The following PCDH11X variants were observed in gnomAD, a reference collection of about 807,000 sequenced individuals.
PCDH11X encodes protocadherin-11 X-linked.
In PCDH11X, 18 loss-of-function variants were observed where a neutral mutation model predicts 53.3. The ratio of observed to expected loss-of-function variants is 0.34; its 90% confidence interval spans 0.23 to 0.50. PCDH11X has a LOEUF of 0.50. Among genes scored for constraint, PCDH11X ranks in the 20% least tolerant of loss-of-function variants. The pLI is 0.98. For synonymous variants in PCDH11X, 279 were observed against 393.3 expected (o/e 0.71, Z 3.44); for missense variants, 570 against 1,032.4 (o/e 0.55, Z 6.14).
At chrX:91,900,460 A>G (rs1385349049) in intron 6 of PCDH11X, among the ~76,000 whole-genome samples, 2 of 108,780 alleles carry the variant, frequency 1.8e-5, no homozygotes, top group African/African-American at 6.7e-5. Flanking sequence ...AATCCTGGCT[A>G]TGAGAGGAAG....
At chrX:91,863,973 A>G (rs1395215399) in intron 5 of PCDH11X, among the ~76,000 whole-genome samples, 1 of 111,873 alleles carries the variant, frequency 8.9e-6, no homozygotes, top group Non-Finnish European at 1.9e-5. Context: ...TGTAGTTATT[A>G]CTTTTGATTG....
chrX:92,453,930 C>T (rs906491817), intron 9 of PCDH11X, among the ~76,000 whole-genome samples: 13 of 106,462 alleles, frequency 1.2e-4, no homozygotes, highest in African/African-American at 3.7e-4. Flanking sequence ...GTAATAGTTC[C>T]GGTGGGCTGA....
At chrX:92,111,005 A>G (rs2064491854) in intron 6 of PCDH11X, among the ~76,000 whole-genome samples, 1 of 108,387 alleles carries the variant, frequency 9.2e-6, no homozygotes, top group Non-Finnish European at 1.9e-5. Flanking sequence ...CATCTGGGGT[A>G]TTCTAGGCCT....
At chrX:92,224,070 A>T (rs183703741) in intron 7 of PCDH11X, among the ~76,000 whole-genome samples, 77 of 111,698 alleles carry the variant, frequency 6.9e-4, no homozygotes, top group Admixed American at 6.6e-3. Context: ...TGTCTTAAGT[A>T]CTCTGATACA....
intron 7 of PCDH11X, among the ~76,000 whole-genome samples, chrX:92,225,657 G>A (rs1356393122): frequency 9.0e-6 from 1 of 110,583 alleles, no homozygotes; most frequent in African/African-American, 3.3e-5. Flanking sequence ...GTGAAGATGG[G>A]GTTAAGAACA....
intron 10 of PCDH11X, among the ~76,000 whole-genome samples, chrX:92,609,549 T>G (rs1312375639): frequency 1.8e-5 from 2 of 111,985 alleles, no homozygotes; most frequent in Admixed American, 9.5e-5. Context: ...ATGTCTTCCT[T>G]GATAGTCTAT....
chrX:92,495,888 C>A lies in PCDH11X; in HGVS notation c.3367+27566C>A, dbSNP rs750229913. On this transcript the variant is annotated intron_variant, in intron 10 of 10. Coordinates refer to ENST00000682573, the MANE Select transcript of PCDH11X (RefSeq NM_032968.5). Reference sequence around the variant, plus strand: ...CCCACATGATTCAAATTATCTCCCACCGAGTCCCTCCCACAACACATGGAA... The same window carrying A: ...CCCACATGATTCAAATTATCTCCCAACGAGTCCCTCCCACAACACATGGAA... Among the ~76,000 whole-genome samples the A allele has an allele frequency of 3.8e-5, 4 of 105,654 alleles. 1 individual carries two copies. The highest frequency in any genetic ancestry group is 7.5e-5 in the African/African-American group (2 of 26,726). The allele number at this position is 105,654 out of a possible 115,157, so 91.7% of individuals were successfully genotyped here. A position where few individuals can be genotyped will look rare whatever the true frequency, so the allele number is the denominator to read the frequency against.
chrX:92,046,726 C>G (rs1179974895), intron 6 of PCDH11X, among the ~76,000 whole-genome samples: 1 of 110,654 alleles, frequency 9.0e-6, no homozygotes, highest in Non-Finnish European at 1.9e-5. Flanking sequence ...AATGCAAATA[C>G]TTTATTAAAC....
At chrX:92,215,701 T>C (rs1243185879) in intron 7 of PCDH11X, among the ~76,000 whole-genome samples, 2 of 103,094 alleles carry the variant, frequency 1.9e-5, no homozygotes, top group Non-Finnish European at 4.0e-5. Context: ...AAGAGAGCAG[T>C]GGTTCTCCCA....
At chrX:91,894,848 C>T in intron 6 of PCDH11X, among the ~76,000 whole-genome samples, 2 of 110,963 alleles carry the variant, frequency 1.8e-5, no homozygotes, top group Non-Finnish European at 3.8e-5. Flanking sequence ...GTTAGAACCC[C>T]AGATTGGCTA....
At chrX:91,866,046 G>T (rs1938970962) in intron 5 of PCDH11X, among the ~76,000 whole-genome samples, 1 of 109,913 alleles carries the variant, frequency 9.1e-6, no homozygotes, top group African/African-American at 3.3e-5. Context: ...TCATCTGGGA[G>T]CTAGGGCCTG....
At chrX:91,884,984 A>C in intron 6 of PCDH11X, among the ~76,000 whole-genome samples, 1 of 109,414 alleles carries the variant, frequency 9.1e-6, no homozygotes, top group Middle Eastern at 4.9e-3. Context: ...TTGGATATTT[A>C]ATATATAGGT....
At chrX:92,450,831 C>G (rs1190951976) in intron 9 of PCDH11X, among the ~76,000 whole-genome samples, 2 of 109,316 alleles carry the variant, frequency 1.8e-5, no homozygotes, top group African/African-American at 6.6e-5. Flanking sequence ...TATTTTAAAA[C>G]AATATCTGAC....
At chrX:92,099,530 T>C (rs1337226377) in intron 6 of PCDH11X, among the ~76,000 whole-genome samples, 2 of 111,719 alleles carry the variant, frequency 1.8e-5, no homozygotes, top group East Asian at 5.6e-4. Flanking sequence ...TCAGTGAGAC[T>C]GTGGTTGCTA....
At chrX:92,423,941 T>A (rs1244580106) in intron 9 of PCDH11X, among the ~76,000 whole-genome samples, 3 of 96,879 alleles carry the variant, frequency 3.1e-5, no homozygotes, top group African/African-American at 1.0e-4. Flanking sequence ...TTTGTACTTT[T>A]TGCTTAGACT....
chrX:92,003,828 A>G (rs1467070798), intron 6 of PCDH11X, among the ~76,000 whole-genome samples: 3 of 109,524 alleles, frequency 2.7e-5, no homozygotes, highest in African/African-American at 1.0e-4. Flanking sequence ...CTAACTTTTA[A>G]AAAACCAGCA....
chrX:91,864,924 A>G (rs1197187168), intron 5 of PCDH11X, among the ~76,000 whole-genome samples: 2 of 110,668 alleles, frequency 1.8e-5, no homozygotes, highest in East Asian at 2.9e-4. Flanking sequence ...CCTTCTCCAC[A>G]TTATCTTGAA....
At chrX:91,967,503 G>A (rs1244654213) in intron 6 of PCDH11X, among the ~76,000 whole-genome samples, 1 of 109,833 alleles carries the variant, frequency 9.1e-6, no homozygotes, top group Non-Finnish European at 1.9e-5. Context: ...AGGTGGAATA[G>A]TTTCATCCTG....
At chrX:92,123,742 G>A (rs903178133) in intron 6 of PCDH11X, among the ~76,000 whole-genome samples, 16 of 106,039 alleles carry the variant, frequency 1.5e-4, no homozygotes, top group African/African-American at 4.9e-4. Context: ...CTAGAGTCTC[G>A]CAAACTTTCA....
Sources: allele counts gnomAD v4.1 joint callset (sites outside exome capture counted in the v4.1 genomes callset), GRCh38; gene constraint gnomAD v4.1.1; transcripts MANE v1.5; gene names NCBI Gene and HGNC (gene_info 2026-07-23, HGNC 2026-07-21).